The following DNM2 variants were observed in gnomAD, a reference collection of about 807,000 sequenced individuals.
DNM2 encodes the protein dynamin 2.
DNM2 carries 15 observed loss-of-function variants against 99.0 expected under a neutral mutation model. That is an observed-to-expected ratio of 0.15 (90% CI 0.10 to 0.23). The LOEUF is 0.23. Ranked by LOEUF, DNM2 falls within the 10% of genes least tolerant of loss-of-function variation. The probability of loss-of-function intolerance (pLI) is 1.00; values close to 1 mark genes in which losing one functional copy is unlikely to be tolerated. For synonymous variants in DNM2, 525 were observed against 481.2 expected, an observed-to-expected ratio of 1.09 and a Z score of -1.19; for missense variants, 742 against 1,189.4, an observed-to-expected ratio of 0.62 and a Z score of 5.53.
intron 13 of DNM2, among the ~76,000 whole-genome samples, chr19:10,807,539 C>CTTTTTTTTTTT (rs763788862): frequency 1.1e-5 from 1 of 91,212 alleles, no homozygotes; most frequent in Non-Finnish European, 2.0e-5. Flanking sequence ...CACGTCCAGC[C>CTTTTTTTTTTT]TTTTTTTTTT....
At chr19:10,782,398 G>A (rs12610411) in intron 5 of DNM2, among the ~76,000 whole-genome samples, 35,673 of 128,264 alleles carry the variant, frequency 0.28, 5,319 homozygotes, top group Middle Eastern at 0.45. Context: ...TTGATCTGTC[G>A]CCCAGGCTGA....
rs759073717 is a variant in DNM2, at chr19:10,830,172, C to T, written c.2337C>T (p.Gly779=). 1 of 1,613,714 alleles carries T rather than the reference C, an allele frequency of 6.2e-7. No homozygotes were observed. The highest frequency in any genetic ancestry group is 8.5e-7 in the Non-Finnish European group (1 of 1,179,714). The change falls in exon 20 of 21, where the codon GGC becomes GGT. Residue 779 remains glycine, a synonymous_variant. Coordinates refer to ENST00000389253, the MANE Select transcript of DNM2 (RefSeq NM_001005361.3). This position sits in a 1 kb window ranked among gnomAD's most constrained non-coding sequence, Gnocchi z 4.8. ...CGGTGTCCAGCATACACCCCCCTGG[C>T]CGGCCCCCAGCAGTGAGGGGCCCCA... ...RRPVSSIHPP[G]RPPAVRGPTP...
At chr19:10,732,417 G>A (rs1239952109) in intron 1 of DNM2, among the ~76,000 whole-genome samples, 1 of 151,006 alleles carries the variant, frequency 6.6e-6, no homozygotes, top group Admixed American at 6.6e-5. Flanking sequence ...TGACTAACAC[G>A]GTGAAACCCC....
At chr19:10,808,660 G>C in intron 14 of DNM2, 80 bp downstream of exon 14, 1 of 1,494,958 alleles carries the variant, frequency 6.7e-7, no homozygotes, top group Non-Finnish European at 9.2e-7. Context: ...AATATTCCCT[G>C]TTCCCCATCC....
At chr19:10,781,983 T>C (rs2071392873) in intron 5 of DNM2, among the ~76,000 whole-genome samples, 1 of 152,128 alleles carries the variant, frequency 6.6e-6, no homozygotes, top group Non-Finnish European at 1.5e-5. Flanking sequence ...AATATACTCG[T>C]TTGATAGTGG....
At chr19:10,800,530 G>A (rs1175938125) in intron 11 of DNM2, among the ~76,000 whole-genome samples, 2 of 152,228 alleles carry the variant, frequency 1.3e-5, no homozygotes, top group East Asian at 3.8e-4. Flanking sequence ...GCTGGGTTGA[G>A]GAGACTCAGG....
rs1568286287 is a variant in DNM2 at position 10,764,031 on chromosome 19, G to T, written c.235+4220G>T. On this transcript the variant is annotated intron_variant, in intron 2 of 20. Transcript: ENST00000389253. This position sits in a 1 kb window ranked among gnomAD's most constrained non-coding sequence, Gnocchi z 4.1. ...GGGGGAGGTGGGTGGGAGGTAGGAC[G>T]CCTTACTAAGAGGAGAGGAAAATGA... 6.6e-6 allele frequency among the ~76,000 whole-genome samples: 1 copy of T among 152,154 alleles called. No homozygotes were observed. The highest frequency in any genetic ancestry group is 2.4e-5 in the African/African-American group (1 of 41,434).
In DNM2 at chr19:10,788,697, C is replaced by G. The variant is rs543741576; in HGVS notation, c.992+1991C>G. 3.3e-5 allele frequency among the ~76,000 whole-genome samples: 5 copies of G among 152,338 alleles called. No individual in the cohort carries two copies. The South Asian group carries it at 1.0e-3, about 32-fold the overall frequency. ...AGATTGGGAAGCAGGTGTGCCCCCACAATCCCAAATTCTCACTCGGGGACT... is the reference window on the plus strand; with the variant it reads ...AGATTGGGAAGCAGGTGTGCCCCCAGAATCCCAAATTCTCACTCGGGGACT... On this transcript the variant is annotated intron_variant, in intron 7 of 20. Coordinates refer to ENST00000389253, the MANE Select transcript of DNM2 (RefSeq NM_001005361.3).
intron 12 of DNM2, among the ~76,000 whole-genome samples, chr19:10,805,343 G>A (rs1223987075): frequency 2.0e-5 from 3 of 152,288 alleles, no homozygotes; most frequent in African/African-American, 4.8e-5. Flanking sequence ...GATGAGAAGA[G>A]TAGGAAGAAG....
intron 17 of DNM2, chr19:10,824,107 C>T (rs548451930): frequency 1.9e-5 from 11 of 589,826 alleles, no homozygotes; most frequent in East Asian, 2.9e-5. Context: ...AGCCAGTGAC[C>T]GGGGCACACA....
At position 10,793,738 on chromosome 19, in the gene DNM2, G is replaced by A. The variant is rs1434796727; in HGVS notation, c.1011G>A (p.Gly337=). ...CTCATAGGATGGTCCAGCAGTTTGG[G>A]GTGGATTTTGAGAAGAGGATCGAGG... is the stretch of plus-strand genomic sequence containing the variant. ...KALLQMVQQF[G]VDFEKRIEGS... Residue 337 remains glycine, a synonymous_variant, in exon 8 of 21, where the codon GGG becomes GGA. Transcript: ENST00000389253. The A allele has an allele frequency of 2.5e-6, 4 of 1,613,980 alleles. No individual in the cohort carries two copies. Among genetic ancestry groups the A allele is most frequent in the Non-Finnish European group, 3.4e-6 (4 of 1,180,022 alleles).
intron 5 of DNM2, among the ~76,000 whole-genome samples, chr19:10,780,653 C>A (rs1032030761): frequency 6.6e-5 from 10 of 152,112 alleles, no homozygotes; most frequent in African/African-American, 2.4e-4. Flanking sequence ...CCAGGCTAGG[C>A]GTGGTGGCTC....
At chr19:10,722,465 C>T (rs2068970209) in intron 1 of DNM2, among the ~76,000 whole-genome samples, 1 of 152,194 alleles carries the variant, frequency 6.6e-6, no homozygotes, top group African/African-American at 2.4e-5. Flanking sequence ...GCACCCTAGC[C>T]TCCCGAGTAG....
intron 1 of DNM2, among the ~76,000 whole-genome samples, chr19:10,729,218 G>A (rs1568265560): frequency 6.7e-6 from 1 of 149,958 alleles, no homozygotes; most frequent in East Asian, 2.0e-4. Context: ...GCATGGTGGC[G>A]GGCACCTGTA....
chr19:10,737,442 T>C (rs529138657), intron 1 of DNM2, among the ~76,000 whole-genome samples: 1 of 152,282 alleles, frequency 6.6e-6, no homozygotes, highest in Admixed American at 6.5e-5. Context: ...TAATTTTTCT[T>C]GGAACCACTT....
At chr19:10,790,182 C>T (rs1229238362) in intron 7 of DNM2, among the ~76,000 whole-genome samples, 1 of 152,238 alleles carries the variant, frequency 6.6e-6, no homozygotes, top group East Asian at 1.9e-4. Flanking sequence ...CTGAATTCTG[C>T]ACTTGGCTTT....
intron 7 of DNM2, among the ~76,000 whole-genome samples, chr19:10,792,086 TCAAAAAA>T (rs1261549679): frequency 6.6e-6 from 1 of 151,922 alleles, no homozygotes; most frequent in Non-Finnish European, 1.5e-5. Context: ...AGACTCCAGC[TCAAAAAA>T]CAAAAAACAA....
At position 10,820,263 on chromosome 19, in the gene DNM2, G is replaced by A. The variant is rs564076614; in HGVS notation, c.1781+174G>A. Among the ~76,000 whole-genome samples the A allele has an allele frequency of 3.9e-5, 6 of 152,358 alleles. No homozygotes were observed. The highest frequency in any genetic ancestry group is 2.1e-4 in the South Asian group (1 of 4,830). On this transcript the variant is annotated intron_variant, in intron 16 of 20. Transcript: ENST00000389253. This position sits in a 1 kb window ranked among gnomAD's most constrained non-coding sequence, Gnocchi z 4.3. ...ATAGCAAATGCCAGGGATGCTTCCCGTGCTGGGTCAGAGATGACCTCTCTG... is the reference window on the plus strand; with the variant it reads ...ATAGCAAATGCCAGGGATGCTTCCCATGCTGGGTCAGAGATGACCTCTCTG...
At chr19:10,719,446 G>C (rs1302251871) in intron 1 of DNM2, among the ~76,000 whole-genome samples, 1 of 152,162 alleles carries the variant, frequency 6.6e-6, no homozygotes, top group African/African-American at 2.4e-5. Flanking sequence ...TCAGTGGCTA[G>C]CGCTGGGATG....
Sources: gnomAD v4.1 joint callset for allele counts (sites outside exome capture counted in the v4.1 genomes callset) on GRCh38, gnomAD v4.1.1 for gene constraint, Gnocchi (gnomAD v3.1) non-coding constraint, MANE v1.5 for transcripts, NCBI Gene and HGNC (gene_info 2026-07-23, HGNC 2026-07-21) for gene names.